COL4A4: variants seen among roughly 807,000 people sequenced by gnomAD.
COL4A4 encodes collagen alpha-4(IV) chain.
COL4A4 carries 105 observed loss-of-function variants against 192.9 expected under a neutral mutation model. The observed-to-expected ratio is 0.54, with a 90% CI of 0.46 to 0.64. The LOEUF (loss-of-function observed/expected upper bound fraction) is 0.64. Among genes scored for constraint, COL4A4 ranks in the 30% least tolerant of loss-of-function variants. COL4A4 has a pLI of 0.00. For missense variants in COL4A4, 1,967 were observed against 2,169.3 expected (o/e 0.91, Z 1.85); for synonymous variants, 762 against 769.9 (o/e 0.99, Z 0.17).
Position 227,005,557 on chromosome 2 carries a change from T to A in COL4A4, c.*1768A>T, listed in dbSNP as rs1030156081. ...ATATTCTGCTACATCAAGAAAATAT[T>A]TCATCTTAAAATACACATTTTTCTT... On this transcript the variant is annotated 3_prime_UTR_variant, in exon 48 of 48. Coordinates refer to ENST00000396625, the MANE Select transcript of COL4A4 (RefSeq NM_000092.5). The A allele has an allele frequency of 6.6e-6, 1 of 152,208 alleles. No individual in the cohort carries two copies. Among genetic ancestry groups the A allele is most frequent in the African/African-American group, 2.4e-5 (1 of 41,448 alleles). The allele number at this position is 152,208 out of a possible 1,614,324, so 9.4% of individuals were successfully genotyped here. A position where few individuals can be genotyped will look rare whatever the true frequency, so the allele number is the denominator to read the frequency against.
chr2:227,053,749 G>T (rs143055156), intron 31 of COL4A4, among the ~76,000 whole-genome samples: 2 of 151,776 alleles, frequency 1.3e-5, no homozygotes, highest in Non-Finnish European at 2.9e-5. Flanking sequence ...GGGTTTCGCC[G>T]TGTTACCAGG....
At chr2:227,134,125 G>C (rs778747383) in intron 4 of COL4A4, among the ~76,000 whole-genome samples, 5 of 152,026 alleles carry the variant, frequency 3.3e-5, no homozygotes, top group Non-Finnish European at 5.9e-5. Flanking sequence ...GCTAGGCACT[G>C]GGTTTTTTAA....
chr2:227,065,227 G>T (rs189074148), intron 25 of COL4A4, among the ~76,000 whole-genome samples: 2 of 152,208 alleles, frequency 1.3e-5, no homozygotes, highest in African/African-American at 4.8e-5. Context: ...CACCTGGCTC[G>T]GAGGGTCCTA....
chr2:227,034,337 G>A (rs1969092271), intron 37 of COL4A4, among the ~76,000 whole-genome samples: 2 of 152,234 alleles, frequency 1.3e-5, no homozygotes, highest in South Asian at 4.2e-4. Context: ...GATGGCCCTT[G>A]GTAAAGTTGG....
chr2:227,069,368 C>T (rs1323372295), intron 25 of COL4A4, among the ~76,000 whole-genome samples: 2 of 152,326 alleles, frequency 1.3e-5, no homozygotes, highest in African/African-American at 4.8e-5. Context: ...AAAAAAACTA[C>T]TTTAAAGTTC....
chr2:227,089,473 G>A lies in COL4A4; in HGVS notation c.1459+395C>T, dbSNP rs140911379. Among the ~76,000 whole-genome samples the A allele has an allele frequency of 6.8e-4, 103 of 151,268 alleles. No individual in the cohort carries two copies. In the East Asian group the frequency reaches 0.019, roughly 28 times the overall value. On this transcript the variant is annotated intron_variant, in intron 21 of 47. Transcript: ENST00000396625. Reference sequence around the variant, plus strand: ...CAATTGATGAGTCTGGGAAATATAGGTCCCACAAAAATCAAACATCAATAC... The same window carrying A: ...CAATTGATGAGTCTGGGAAATATAGATCCCACAAAAATCAAACATCAATAC...
At position 227,063,159 on chromosome 2, in the gene COL4A4, A is replaced by G. The variant is rs545603731; in HGVS notation, c.1988-561T>C. Reference sequence around the variant, plus strand: ...ATTGTCTCATTTTTCTAATGACTTCACAATCTAGTAGCATCATCCCCCATG... The same window carrying G: ...ATTGTCTCATTTTTCTAATGACTTCGCAATCTAGTAGCATCATCCCCCATG... On this transcript the variant is annotated intron_variant, in intron 25 of 47. Transcript: ENST00000396625. Among the ~76,000 whole-genome samples, 4 of 152,272 alleles carry G rather than the reference A, an allele frequency of 2.6e-5. No individual in the cohort carries two copies. The South Asian group carries it at 8.3e-4, about 32-fold the overall frequency.
chr2:227,118,837 C>A, intron 6 of COL4A4, 76 bp from the exon 7 acceptor site: 1 of 895,596 alleles, frequency 1.1e-6, no homozygotes, highest in South Asian at 1.3e-5. Flanking sequence ...TATGAATACT[C>A]AAATTATGGC....
At chr2:227,027,465 T>G (rs1215644812) in intron 42 of COL4A4, among the ~76,000 whole-genome samples, 2 of 125,012 alleles carry the variant, frequency 1.6e-5, no homozygotes, top group Non-Finnish European at 1.6e-5. Flanking sequence ...CATCACACAC[T>G]GGGGCCTGTT....
intron 37 of COL4A4, among the ~76,000 whole-genome samples, chr2:227,036,612 A>G (rs1969725175): frequency 6.6e-6 from 1 of 152,186 alleles, no homozygotes. Context: ...TGTATCAGCA[A>G]ATATGTGAGT....
At chr2:227,099,816 A>G (rs1025361327) in intron 17 of COL4A4, 127 bp from the exon 18 acceptor site, 19 of 805,252 alleles carry the variant, frequency 2.4e-5, no homozygotes, top group Non-Finnish European at 3.8e-5. Flanking sequence ...GGCTGACTAG[A>G]GAAATGAAGC....
the COL4A4 span, among the ~76,000 whole-genome samples, chr2:226,987,969 G>C: frequency 6.6e-6 from 1 of 152,150 alleles, no homozygotes. Flanking sequence ...GTTGCTGTTT[G>C]ATGGAAACTT....
chr2:227,017,613 A>G (rs1273286808), intron 44 of COL4A4, among the ~76,000 whole-genome samples: 1 of 152,180 alleles, frequency 6.6e-6, no homozygotes, highest in Non-Finnish European at 1.5e-5. Flanking sequence ...GTTGTAGATC[A>G]AAGAGATCTG....
At chr2:227,111,209 A>G (rs2061187828) in intron 9 of COL4A4, among the ~76,000 whole-genome samples, 1 of 152,226 alleles carries the variant, frequency 6.6e-6, no homozygotes, top group Non-Finnish European at 1.5e-5. Flanking sequence ...ACTTTCTCAC[A>G]TCAGAAACAT....
At position 227,057,606 on chromosome 2, in the gene COL4A4, A is replaced by G. The variant is rs2150251834; in HGVS notation, c.2384-6T>C. ...TCCAGGAATGCCAGCTGGCCCTGAA[A>G]TGATACAATACATCCATGACATTCA... On this transcript the variant is annotated splice_region_variant and splice_polypyrimidine_tract_variant and intron_variant, in intron 28 of 47. Coordinates refer to ENST00000396625, the MANE Select transcript of COL4A4 (RefSeq NM_000092.5). 1 of 1,614,026 alleles carries G rather than the reference A, an allele frequency of 6.2e-7. No individual in the cohort carries two copies. The highest frequency in any genetic ancestry group is 1.1e-5 in the South Asian group (1 of 91,036).
the COL4A4 span, among the ~76,000 whole-genome samples, chr2:226,994,667 A>G: frequency 2.0e-5 from 3 of 152,156 alleles, 1 homozygote; most frequent in Middle Eastern, 6.3e-3. Flanking sequence ...AAGCTCTTTC[A>G]TTACCTTTAG....
At chr2:227,071,462 A>G (rs1209604643) in intron 25 of COL4A4, among the ~76,000 whole-genome samples, 1 of 152,180 alleles carries the variant, frequency 6.6e-6, no homozygotes, top group Non-Finnish European at 1.5e-5. Flanking sequence ...GGAGACTTCA[A>G]TACACCACTG....
At chr2:226,992,273 T>C in the COL4A4 span, among the ~76,000 whole-genome samples, 3 of 152,200 alleles carry the variant, frequency 2.0e-5, no homozygotes, top group Admixed American at 2.0e-4. Context: ...GTAGTCGGTG[T>C]AGGTTAGGGG....
In COL4A4 at chr2:227,022,070, T is replaced by G. The variant is rs774711513; in HGVS notation, c.4194A>C (p.Gly1398=). 1 of 1,613,956 alleles carries G rather than the reference T, an allele frequency of 6.2e-7. No individual in the cohort carries two copies. Among genetic ancestry groups the G allele is most frequent in the South Asian group, 1.1e-5 (1 of 91,074 alleles). Residue 1398 remains glycine (G), a synonymous_variant, in exon 44 of 48, where the codon GGA becomes GGC. Coordinates refer to ENST00000396625, the MANE Select transcript of COL4A4 (RefSeq NM_000092.5). ...RGPEGAMGLP[G]MRGPSGPGCK... is the part of the protein sequence containing the mutation. ...TACCTGGTCCTGAGGGGCCTCTCAT[T>G]CCAGGGAGCCCCATGGCTCCTTCTG...
Sources: allele counts gnomAD v4.1 joint callset (sites outside exome capture counted in the v4.1 genomes callset), GRCh38; gene constraint gnomAD v4.1.1; transcripts MANE v1.5; gene names NCBI Gene and HGNC (gene_info 2026-07-23, HGNC 2026-07-21).